PACRGL: variants seen among roughly 807,000 people sequenced by gnomAD.
The protein encoded by PACRGL is PACRG-like protein.
In PACRGL, 38 loss-of-function variants were observed where a neutral mutation model predicts 34.5. The ratio of observed to expected loss-of-function variants is 1.10; its 90% CI spans 0.85 to 1.44. The LOEUF (loss-of-function observed/expected upper bound fraction) is 1.44. Among genes scored for constraint, PACRGL ranks in the 40% most tolerant of loss-of-function variants. The pLI, the probability that PACRGL is intolerant of heterozygous loss-of-function variation, is 0.00. For missense variants in PACRGL, 305 were observed against 281.4 expected, an observed-to-expected ratio of 1.08 and a Z score of -0.60; for synonymous variants, 128 against 100.1, an observed-to-expected ratio of 1.28 and a Z score of -1.66.
At chr4:20,734,866 G>T, downstream of PACRGL, 2 of 487,208 alleles carry the variant, frequency 4.1e-6, no homozygotes, top group South Asian at 3.1e-5. Context: ...ATGTGTTATT[G>T]GTTGTCTAGT....
chr4:20,735,137 G>T (rs1279175583), downstream of PACRGL, among the ~76,000 whole-genome samples: 1 of 152,186 alleles, frequency 6.6e-6, no homozygotes. Flanking sequence ...AATAAGAAAT[G>T]TGGCTGTCCA....
At chr4:20,734,987 C>A (rs1362153154), downstream of PACRGL, among the ~76,000 whole-genome samples, 1 of 151,976 alleles carries the variant, frequency 6.6e-6, no homozygotes, top group African/African-American at 2.4e-5. Context: ...CAGTGCGTAC[C>A]CACACAGCTA....
In PACRGL at chr4:20,750,411, A is replaced by G. The variant is rs978220774; in HGVS notation, c.*57-2154A>G. Among the ~76,000 whole-genome samples, 3 of 152,086 alleles carry G rather than the reference A, an allele frequency of 2.0e-5. No individual in the cohort carries two copies. The South Asian group carries it at 6.2e-4, about 32-fold the overall frequency. On this transcript the variant is annotated intron_variant, in intron 8 of 8. Transcript: ENST00000507634. ...TTGGAAGGGGACTGGGTGGTCCTAC[A>G]TGTTCCTAGTTGTATGAAGTTGCAT...
intron 8 of PACRGL, among the ~76,000 whole-genome samples, chr4:20,741,350 A>C (rs1425771923): frequency 6.6e-6 from 1 of 152,234 alleles, no homozygotes; most frequent in African/African-American, 2.4e-5. Flanking sequence ...ATGTAAAAGA[A>C]CAGAAATTAT....
intron 7 of PACRGL, among the ~76,000 whole-genome samples, chr4:20,722,279 A>G (rs1460706326): frequency 2.6e-5 from 4 of 152,222 alleles, no homozygotes; most frequent in Non-Finnish European, 5.9e-5. Context: ...TTCCCGGGTG[A>G]GGCGATGCCT....
At chr4:20,709,631 T>G in intron 4 of PACRGL, 52 bp from the exon 5 acceptor site, 1 of 1,185,020 alleles carries the variant, frequency 8.4e-7, no homozygotes, top group East Asian at 2.3e-5. Context: ...TTATCCCTGC[T>G]TAATATAGAA....
intron 8 of PACRGL, among the ~76,000 whole-genome samples, chr4:20,750,451 C>T (rs529419050): frequency 1.0e-3 from 159 of 152,230 alleles, no homozygotes; most frequent in African/African-American, 3.7e-3. Context: ...TAGGGAGCCC[C>T]TACTCTGTCT....
At chr4:20,754,441 C>CGTGGAA (rs1754160408), downstream of PACRGL, among the ~76,000 whole-genome samples, 1 of 152,074 alleles carries the variant, frequency 6.6e-6, no homozygotes, top group Non-Finnish European at 1.5e-5. Flanking sequence ...AGGATGACTC[C>CGTGGAA]GTGGAAGTGT....
chr4:20,699,943 C>A (rs1026266986), upstream of PACRGL, among the ~76,000 whole-genome samples: 15 of 152,102 alleles, frequency 9.9e-5, no homozygotes, highest in African/African-American at 3.6e-4. Context: ...ATATGAGATT[C>A]ATAAAATACG....
intron 8 of PACRGL, among the ~76,000 whole-genome samples, chr4:20,749,156 A>T (rs55819488): frequency 2.4e-3 from 260 of 109,860 alleles, no homozygotes; most frequent in South Asian, 7.1e-3. Context: ...AGACTCTTTC[A>T]AAAAAAAAAA....
the PACRGL span, chr4:20,767,362 A>G: frequency 1.3e-5 from 2 of 152,150 alleles, no homozygotes; most frequent in South Asian, 2.1e-4. Flanking sequence ...AATAAATGTC[A>G]GTAGAAACCC....
the PACRGL span, among the ~76,000 whole-genome samples, chr4:20,761,339 A>G: frequency 2.0e-5 from 3 of 152,208 alleles, no homozygotes; most frequent in Admixed American, 2.0e-4. Flanking sequence ...GAAGGACCCT[A>G]ATACATAAAT....
At position 20,728,175 on chromosome 4, in the gene PACRGL, A is replaced by AT. The variant is rs1578375066; in HGVS notation, c.*840dup. The AT allele has an allele frequency of 1.3e-5, 2 of 151,920 alleles. No homozygotes were observed. The highest frequency in any genetic ancestry group is 2.4e-5 in the African/African-American group (1 of 41,232). 9.4% of individuals were successfully genotyped at this position (151,920 alleles called of 1,614,324 possible). ...TTTTCAGAGTATTCTAGTTTAAAAA[A>AT]TTTTTTCTAATTCTGTAAATTCTAT... is the stretch of plus-strand genomic sequence containing the variant. On this transcript the variant is annotated 3_prime_UTR_variant, in exon 9 of 9. Transcript: ENST00000503585.
chr4:20,731,965 A>C lies in PACRGL; in HGVS notation c.*4624A>C. 2 of 1,610,682 alleles carry C rather than the reference A, an allele frequency of 1.2e-6. No individual in the cohort carries two copies. Among genetic ancestry groups the C allele is most frequent in the South Asian group, 2.2e-5 (2 of 90,638 alleles). On this transcript the variant is annotated 3_prime_UTR_variant, in exon 9 of 9. Coordinates refer to ENST00000503585, the MANE Select transcript of PACRGL (RefSeq NM_001258345.3). ...GCTGCTAATACTCAGTTTAGCTGTT[A>C]TGATAGCTGAATTGATAGTTATTAC...
intron 1 of PACRGL, chr4:20,702,805 G>T (rs928846012): frequency 1.3e-5 from 2 of 152,198 alleles, no homozygotes; most frequent in Non-Finnish European, 2.9e-5. Context: ...ACTTTAATGA[G>T]ATTTTAATTA....
rs1405108738 is a variant in PACRGL, at chr4:20,730,461, T to C, written c.*3120T>C. 6.6e-6 allele frequency among the ~76,000 whole-genome samples: 1 copy of C among 151,792 alleles called. No individual in the cohort carries two copies. Among genetic ancestry groups the C allele is most frequent in the Non-Finnish European group, 1.5e-5 (1 of 67,966 alleles). On this transcript the variant is annotated 3_prime_UTR_variant, in exon 9 of 9. Transcript: ENST00000503585. ...AGGTGCAGAGGTGTGTCAAAGCAAA[T>C]GAGAATTTTGGCATTCTATGTAGAT...
In PACRGL at chr4:20,704,815, G is replaced by C. The variant is rs763352301; in HGVS notation, c.207+1G>C. 4 of 1,613,788 alleles carry C rather than the reference G, an allele frequency of 2.5e-6. No homozygotes were observed. Among genetic ancestry groups the C allele is most frequent in the Non-Finnish European group, 3.4e-6 (4 of 1,179,774 alleles). On this transcript the variant is annotated splice_donor_variant, in intron 3 of 8. Transcript: ENST00000503585. LOFTEE classifies it high-confidence loss of function. ...ACTGAACCCTAAAACAATTAATCCGGTAGGTCCAAAACTATTCCTAACTCA... is the reference window on the plus strand; with the variant it reads ...ACTGAACCCTAAAACAATTAATCCGCTAGGTCCAAAACTATTCCTAACTCA...
intron 1 of PACRGL, among the ~76,000 whole-genome samples, chr4:20,702,412 A>T (rs1015499718): frequency 2.0e-5 from 3 of 152,348 alleles, no homozygotes; most frequent in African/African-American, 7.2e-5. Context: ...CAGATTTTTT[A>T]AAAATGACAA....
At position 20,707,807 on chromosome 4, in the gene PACRGL, G is replaced by C; in HGVS notation, c.212G>C (p.Gly71Ala). 1 of 1,613,044 alleles carries C rather than the reference G, an allele frequency of 6.2e-7. No individual in the cohort carries two copies. The highest frequency in any genetic ancestry group is 8.5e-7 in the Non-Finnish European group (1 of 1,179,122). Residue 71 changes from glycine (G) to alanine (A), a missense_variant, in exon 4 of 9, where the codon GGT becomes GCT. By Grantham distance (60) the Gly-to-Ala change is moderately conservative. Transcript: ENST00000503585. Reference sequence around the variant, plus strand: ...TATTTTCATTTTTTATTTTAGTTTGGTGAACAGTCACGAGTGCCTTCTGCA... The same window carrying C: ...TATTTTCATTTTTTATTTTAGTTTGCTGAACAGTCACGAGTGCCTTCTGCA... ...KLNPKTINPF[G>A]EQSRVPSAFA...
Sources: allele counts gnomAD v4.1 joint callset (sites outside exome capture counted in the v4.1 genomes callset), GRCh38; gene constraint gnomAD v4.1.1; transcripts MANE v1.5; gene names NCBI Gene and HGNC (gene_info 2026-07-23, HGNC 2026-07-21).